Variants in PARP8 observed in about 807,000 individuals in gnomAD.
The protein encoded by PARP8 is poly(ADP-ribose) polymerase family member 8, also known as protein mono-ADP-ribosyltransferase PARP8.
A neutral mutation model predicts 124.1 loss-of-function variants in PARP8; 51 were observed. The ratio of observed to expected loss-of-function variants is 0.41; its 90% CI spans 0.33 to 0.52. The LOEUF (loss-of-function observed/expected upper bound fraction) is 0.52, where lower values mean the gene tolerates loss of function less well. Among genes scored for constraint, PARP8 ranks in the 20% least tolerant of loss-of-function variants. The pLI, the probability that PARP8 is intolerant of heterozygous loss-of-function variation, is 0.21. For missense variants in PARP8, 860 were observed against 1,018.9 expected, an observed-to-expected ratio of 0.84 and a Z score of 2.12; for synonymous variants, 391 against 361.5, an observed-to-expected ratio of 1.08 and a Z score of -0.93.
chr5:50,739,671 G>A (rs1255890160), intron 2 of PARP8, among the ~76,000 whole-genome samples: 1 of 144,506 alleles, frequency 6.9e-6, no homozygotes, highest in African/African-American at 2.6e-5. Flanking sequence ...AATTTTGTAA[G>A]GAAGGTTATT....
At chr5:50,707,754 T>C (rs1250060168) in intron 2 of PARP8, among the ~76,000 whole-genome samples, 1 of 152,098 alleles carries the variant, frequency 6.6e-6, no homozygotes, top group Non-Finnish European at 1.5e-5. Flanking sequence ...TTTATGTATT[T>C]CTTCAAGTAA....
At chr5:50,751,235 C>T (rs1200143713) in intron 3 of PARP8, among the ~76,000 whole-genome samples, 1 of 152,082 alleles carries the variant, frequency 6.6e-6, no homozygotes, top group South Asian at 2.1e-4. Flanking sequence ...GTTTAGCTCC[C>T]TCTTGTGGCC....
intron 2 of PARP8, among the ~76,000 whole-genome samples, chr5:50,710,489 C>A (rs1382804247): frequency 6.6e-6 from 1 of 151,864 alleles, no homozygotes; most frequent in Non-Finnish European, 1.5e-5. Flanking sequence ...TAGAAGGAAA[C>A]CTTTTTTAAA....
At position 50,844,574 on chromosome 5, in the gene PARP8, A is replaced by G. The variant is rs946983426; in HGVS notation, c.*2506A>G. 1.3e-5 allele frequency: 2 copies of G among 151,718 alleles called. No homozygotes were observed. Among genetic ancestry groups the G allele is most frequent in the African/African-American group, 2.4e-5 (1 of 41,400 alleles). The allele number at this position is 151,718 out of a possible 1,614,324, so 9.4% of individuals were successfully genotyped here. ...ATTCACTTATTTGATGATTCCAAAC[A>G]TTTGATATTGTATTGTGTTTTTATA... is the stretch of plus-strand genomic sequence containing the variant. On this transcript the variant is annotated 3_prime_UTR_variant, in exon 26 of 26. Coordinates refer to ENST00000281631, the MANE Select transcript of PARP8 (RefSeq NM_024615.4).
In PARP8 at chr5:50,759,656, G is replaced by A. The variant is rs369646234; in HGVS notation, c.198G>A (p.Val66=). The change falls in exon 4 of 26, where the codon GTG becomes GTA. Residue 66 remains valine (V), a synonymous_variant. Coordinates refer to ENST00000281631, the MANE Select transcript of PARP8 (RefSeq NM_024615.4). ...TTTTTTTTGCAGATAATACATATGT[G>A]TCAAGTTCAGAGAATGATGAAGATG... ...VSEDYPDNTY[V]SSSENDEDVL... is the part of the protein sequence containing the mutation. 5.2e-5 allele frequency: 76 copies of A among 1,473,078 alleles called. No individual in the cohort carries two copies. The highest frequency in any genetic ancestry group is 1.8e-4 in the Middle Eastern group (1 of 5,524). The allele number at this position is 1,473,078 out of a possible 1,614,324, so 91.3% of individuals were successfully genotyped here.
At chr5:50,770,644 G>A (rs1049566424) in intron 7 of PARP8, among the ~76,000 whole-genome samples, 8 of 151,512 alleles carry the variant, frequency 5.3e-5, no homozygotes, top group Non-Finnish European at 8.8e-5. Context: ...AGGGAGTAAG[G>A]AAGGGAGAAA....
At chr5:50,816,799 A>AAAATATATCTGACTAT (rs1278382948) in intron 15 of PARP8, among the ~76,000 whole-genome samples, 2 of 152,156 alleles carry the variant, frequency 1.3e-5, no homozygotes, top group African/African-American at 4.8e-5. Context: ...GAGGGTTACT[A>AAAATATATCTGACTAT]AAATATATCT....
intron 14 of PARP8, among the ~76,000 whole-genome samples, chr5:50,811,478 T>C (rs1744434816): frequency 6.6e-6 from 1 of 152,134 alleles, no homozygotes; most frequent in South Asian, 2.1e-4. Context: ...TAGAGATTTA[T>C]AATAACTGTG....
chr5:50,764,826 T>TC, intron 7 of PARP8, among the ~76,000 whole-genome samples: 1 of 151,810 alleles, frequency 6.6e-6, no homozygotes, highest in East Asian at 1.9e-4. Flanking sequence ...TTTTTTTTTT[T>TC]TAACAGTAAT....
chr5:50,749,633 G>A (rs1759005900), intron 2 of PARP8, among the ~76,000 whole-genome samples: 1 of 152,018 alleles, frequency 6.6e-6, no homozygotes. Flanking sequence ...GTGTGTGCGT[G>A]CATGATGAAA....
At chr5:50,695,235 G>C (rs1269639128) in intron 2 of PARP8, among the ~76,000 whole-genome samples, 1 of 152,194 alleles carries the variant, frequency 6.6e-6, no homozygotes. Flanking sequence ...AATGGAATGA[G>C]AATATTGCAT....
intron 2 of PARP8, among the ~76,000 whole-genome samples, chr5:50,671,786 T>G (rs1017284128): frequency 6.6e-6 from 1 of 152,070 alleles, no homozygotes; most frequent in Non-Finnish European, 1.5e-5. Flanking sequence ...AATTAAGGAG[T>G]ATGACTCTGT....
In PARP8 at chr5:50,711,767, T is replaced by C. The variant is rs74453946; in HGVS notation, c.147-38384T>C. Among the ~76,000 whole-genome samples, 852 of 152,204 alleles carry C rather than the reference T, an allele frequency of 5.6e-3. 6 individuals carry two copies. Among genetic ancestry groups the C allele is most frequent in the African/African-American group, 0.019 (798 of 41,544 alleles). ...TCAAGGTCCTTATGTTTAAAGTCAATTCAGTATAGGTTTTTGACAGTTGCA... is the reference window on the plus strand; with the variant it reads ...TCAAGGTCCTTATGTTTAAAGTCAACTCAGTATAGGTTTTTGACAGTTGCA... On this transcript the variant is annotated intron_variant, in intron 2 of 25. Transcript: ENST00000281631.
Position 50,828,375 on chromosome 5 carries a change from A to T in PARP8, c.2154A>T (p.Thr718=). The T allele has an allele frequency of 6.2e-7, 1 of 1,612,320 alleles. No homozygotes were observed. The highest frequency in any genetic ancestry group is 1.3e-5 in the African/African-American group (1 of 74,928). ...LRNGLVVASN[T]RLQLHGAMYG... is the part of the protein sequence containing the mutation. ...ATGGTCTGGTTGTTGCTTCTAATAC[A>T]CGATTGCAGGTAGATTTTCTGAATG... The change falls in exon 21 of 26, where the codon ACA becomes ACT. Residue 718 remains threonine (T), a synonymous_variant. Coordinates refer to ENST00000281631, the MANE Select transcript of PARP8 (RefSeq NM_024615.4).
At chr5:50,722,113 A>G (rs770856130) in intron 2 of PARP8, among the ~76,000 whole-genome samples, 5 of 152,060 alleles carry the variant, frequency 3.3e-5, no homozygotes, top group Non-Finnish European at 5.9e-5. Flanking sequence ...TATTTGAAGG[A>G]TGAGGGACAG....
chr5:50,712,166 G>A (rs1399747144), intron 2 of PARP8, among the ~76,000 whole-genome samples: 1 of 152,158 alleles, frequency 6.6e-6, no homozygotes, highest in Non-Finnish European at 1.5e-5. Flanking sequence ...ACTAAATTAT[G>A]TTATGTCCAA....
At chr5:50,765,906 T>G (rs1424839043) in intron 7 of PARP8, among the ~76,000 whole-genome samples, 1 of 152,220 alleles carries the variant, frequency 6.6e-6, no homozygotes, top group Non-Finnish European at 1.5e-5. Flanking sequence ...TTCTTTTACC[T>G]AATTGGGGCT....
At chr5:50,729,685 C>G (rs1344197968) in intron 2 of PARP8, among the ~76,000 whole-genome samples, 2 of 152,148 alleles carry the variant, frequency 1.3e-5, no homozygotes, top group East Asian at 3.9e-4. Flanking sequence ...CAGGCATCTT[C>G]CATCCATCTC....
chr5:50,815,351 A>G, intron 14 of PARP8, 81 bp from the exon 15 acceptor site: 1 of 956,880 alleles, frequency 1.0e-6, no homozygotes, highest in East Asian at 2.8e-5. Flanking sequence ...TTTTCTATTT[A>G]TTATGTGAAA....
Sources: gnomAD v4.1 joint callset for allele counts (sites outside exome capture counted in the v4.1 genomes callset) on GRCh38, gnomAD v4.1.1 for gene constraint, MANE v1.5 for transcripts, NCBI Gene and HGNC (gene_info 2026-07-23, HGNC 2026-07-21) for gene names.